Variants in OSBPL9 observed in about 807,000 individuals in gnomAD.
OSBPL9 encodes oxysterol-binding protein-related protein 9.
A neutral mutation model predicts 106.6 loss-of-function variants in OSBPL9; 40 were observed. That is an observed-to-expected ratio of 0.38 (90% CI 0.29 to 0.49). The LOEUF (loss-of-function observed/expected upper bound fraction) is 0.49. Ranked by LOEUF, OSBPL9 falls within the 20% of genes least tolerant of loss-of-function variation. The pLI is 0.97. For missense variants in OSBPL9, 609 were observed against 887.2 expected (o/e 0.69, Z 3.98); for synonymous variants, 269 against 295.4 (o/e 0.91, Z 0.92).
the OSBPL9 span, among the ~76,000 whole-genome samples, chr1:51,551,389 G>A: frequency 9.9e-5 from 15 of 151,860 alleles, no homozygotes; most frequent in East Asian, 2.3e-3. Flanking sequence ...TTCTTCATCC[G>A]TTTCCTTTTA....
chr1:51,627,384 G>T (rs1347271773), intron 1 of OSBPL9, among the ~76,000 whole-genome samples: 2 of 152,068 alleles, frequency 1.3e-5, no homozygotes, highest in Admixed American at 6.6e-5. Context: ...AGCATCATCT[G>T]TTGGAAAGAC....
chr1:51,783,750 T>C (rs965093838), intron 17 of OSBPL9, among the ~76,000 whole-genome samples, 165 bp from the exon 18 acceptor site: 2 of 152,160 alleles, frequency 1.3e-5, no homozygotes, highest in South Asian at 2.1e-4. Flanking sequence ...AATGCTTGCA[T>C]TGGGGAAAAG....
At chr1:51,681,674 G>A (rs978935205) in intron 3 of OSBPL9, among the ~76,000 whole-genome samples, 1 of 152,090 alleles carries the variant, frequency 6.6e-6, no homozygotes, top group Non-Finnish European at 1.5e-5. Flanking sequence ...CCACTACTGA[G>A]TATAAGGTTG....
intron 4 of OSBPL9, among the ~76,000 whole-genome samples, chr1:51,735,930 A>G (rs1219788201): frequency 6.6e-6 from 1 of 152,250 alleles, no homozygotes; most frequent in Non-Finnish European, 1.5e-5. Flanking sequence ...CAGCAGCCAT[A>G]CATTACAGCA....
In OSBPL9 at chr1:51,745,638, C is replaced by T. The variant is rs1667820161; in HGVS notation, c.414+7C>T. The T allele has an allele frequency of 2.6e-6, 4 of 1,544,190 alleles. No homozygotes were observed. The highest frequency in any genetic ancestry group is 2.8e-5 in the African/African-American group (2 of 71,206). On this transcript the variant is annotated splice_region_variant and intron_variant, in intron 5 of 23. Coordinates refer to ENST00000428468, the MANE Select transcript of OSBPL9 (RefSeq NM_024586.6). ...CTTGATTGAACAATTAAAGGTATGG[C>T]ATTAGTTTGTATATTAAATTTATAT...
intron 3 of OSBPL9, among the ~76,000 whole-genome samples, chr1:51,702,110 G>A (rs1474475470): frequency 3.3e-5 from 5 of 152,280 alleles, no homozygotes; most frequent in East Asian, 3.9e-4. Flanking sequence ...GTAAACATAC[G>A]TGTGCATGTG....
chr1:51,741,643 CAG>C (rs1666944150), intron 4 of OSBPL9, among the ~76,000 whole-genome samples: 1 of 143,370 alleles, frequency 7.0e-6, no homozygotes, highest in African/African-American at 2.7e-5. Flanking sequence ...TTTTGAAAAA[CAG>C]AGACTTTTTT....
At chr1:51,744,890 C>T (rs1276943578) in intron 4 of OSBPL9, among the ~76,000 whole-genome samples, 2 of 152,098 alleles carry the variant, frequency 1.3e-5, no homozygotes, top group African/African-American at 4.8e-5. Flanking sequence ...ATAAGTAGGC[C>T]TTCTAAATAA....
chr1:51,745,620 G>T lies in OSBPL9; in HGVS notation c.403G>T (p.Glu135Ter). The T allele has an allele frequency of 6.3e-7, 1 of 1,586,276 alleles. No homozygotes were observed. Among genetic ancestry groups the T allele is most frequent in the South Asian group, 1.2e-5 (1 of 85,488 alleles). Reference protein sequence around the residue: ...EADAYLQILIEQLKLFDDKLQ... With the variant: ...EADAYLQILI ...TGATGCTTACCTACAAATCTTGATT[G>T]AACAATTAAAGGTATGGCATTAGTT... Residue 135 changes from glutamate (E) to a stop codon, truncating the protein, a stop_gained, in exon 5 of 24, where the codon GAA (glutamate) becomes TAA (stop). Transcript: ENST00000428468. LOFTEE classifies it high-confidence loss of function.
At chr1:51,782,398 G>C (rs958256521) in intron 16 of OSBPL9, among the ~76,000 whole-genome samples, 161 bp from the exon 17 acceptor site, 5 of 152,130 alleles carry the variant, frequency 3.3e-5, no homozygotes, top group Admixed American at 3.3e-4. Context: ...CAGGGAGACT[G>C]ACACAAAGCA....
chr1:51,551,234 C>A, the OSBPL9 span, among the ~76,000 whole-genome samples: 1 of 152,218 alleles, frequency 6.6e-6, no homozygotes, highest in Non-Finnish European at 1.5e-5. Flanking sequence ...TACAGTTCAC[C>A]CTTCTGGTCA....
chr1:51,546,835 G>T, the OSBPL9 span, among the ~76,000 whole-genome samples: 2 of 151,954 alleles, frequency 1.3e-5, no homozygotes, highest in African/African-American at 4.8e-5. Flanking sequence ...CATACAAATA[G>T]TTGGCATGAA....
the OSBPL9 span, among the ~76,000 whole-genome samples, chr1:51,528,418 CT>C: frequency 6.6e-6 from 1 of 152,050 alleles, no homozygotes; most frequent in Non-Finnish European, 1.5e-5. Flanking sequence ...TGGCTCATGC[CT>C]GTAAGTCCCA....
At chr1:51,521,809 G>T in the OSBPL9 span, among the ~76,000 whole-genome samples, 1 of 152,138 alleles carries the variant, frequency 6.6e-6, no homozygotes, top group Admixed American at 6.6e-5. Context: ...CCAGGCTGGA[G>T]TGCAACGGTG....
chr1:51,527,594 A>G, the OSBPL9 span, among the ~76,000 whole-genome samples: 38 of 151,778 alleles, frequency 2.5e-4, no homozygotes, highest in African/African-American at 8.7e-4. Flanking sequence ...GGGTCTCACT[A>G]TGTTGCCCAG....
At chr1:51,767,936 C>CTTTTTTTTTTTTTTTTTTTT (rs869092922) in intron 12 of OSBPL9, among the ~76,000 whole-genome samples, 1 of 65,016 alleles carries the variant, frequency 1.5e-5, no homozygotes, top group African/African-American at 6.0e-5. Context: ...TAAAGACCGT[C>CTTTTTTTTTTTTTTTTTTTT]TTTTTTTTTT....
chr1:51,782,276 C>T (rs573450041), intron 16 of OSBPL9, among the ~76,000 whole-genome samples: 1 of 152,312 alleles, frequency 6.6e-6, no homozygotes, highest in East Asian at 1.9e-4. Context: ...ATACTGAAGA[C>T]AGACAAGTAT....
chr1:51,543,863 G>C, the OSBPL9 span, among the ~76,000 whole-genome samples: 1 of 152,162 alleles, frequency 6.6e-6, no homozygotes. Flanking sequence ...CTGACCCCTA[G>C]GTCAAACATA....
chr1:51,567,922 A>C, the OSBPL9 span: 1 of 152,228 alleles, frequency 6.6e-6, no homozygotes, highest in Non-Finnish European at 1.5e-5. Flanking sequence ...CCCAAGACAA[A>C]CACAGCATGT....
Sources: allele counts gnomAD v4.1 joint callset (sites outside exome capture counted in the v4.1 genomes callset), GRCh38; gene constraint gnomAD v4.1.1; transcripts MANE v1.5; gene names NCBI Gene and HGNC (gene_info 2026-07-23, HGNC 2026-07-21).